PAK5: variants seen among roughly 807,000 people sequenced by gnomAD.
PAK5 encodes serine/threonine-protein kinase PAK 5.
In PAK5, 16 loss-of-function variants were observed where a neutral mutation model predicts 65.9. That is an observed-to-expected ratio of 0.24 (90% CI 0.16 to 0.37). The LOEUF (loss-of-function observed/expected upper bound fraction) is 0.37. Among genes scored for constraint, PAK5 ranks in the 10% least tolerant of loss-of-function variants. PAK5 has a pLI of 1.00. For synonymous variants in PAK5, 371 were observed against 354.9 expected (o/e 1.05, Z -0.51); for missense variants, 785 against 903.9 (o/e 0.87, Z 1.69).
At chr20:9,668,427 G>A (rs947967277) in intron 2 of PAK5, among the ~76,000 whole-genome samples, 8 of 152,078 alleles carry the variant, frequency 5.3e-5, no homozygotes, top group African/African-American at 1.4e-4. Context: ...ATAATGTTAT[G>A]TTTATACACA....
At chr20:9,715,891 T>G in intron 1 of PAK5, among the ~76,000 whole-genome samples, 1 of 97,940 alleles carries the variant, frequency 1.0e-5, no homozygotes, top group Non-Finnish European at 2.0e-5. Flanking sequence ...CACCGGGGCC[T>G]GTTGAGGGGT....
intron 3 of PAK5, among the ~76,000 whole-genome samples, chr20:9,623,639 C>A (rs1249183755): frequency 6.6e-6 from 1 of 152,062 alleles, no homozygotes; most frequent in African/African-American, 2.4e-5. Flanking sequence ...AAGATAGGTA[C>A]AAACAAAGAG....
At position 9,765,443 on chromosome 20, in the gene PAK5, AT is replaced by A. The variant is rs921713557; in HGVS notation, c.-161-54009del. ...CATTTCCTATCCCTCCCTAGCCTCCATTTTTTTTTTCTGGCAGAGCCAAATT... is the reference window on the plus strand; with the variant it reads ...CATTTCCTATCCCTCCCTAGCCTCCATTTTTTTTTCTGGCAGAGCCAAATT... On this transcript the variant is annotated intron_variant, in intron 1 of 9. Coordinates refer to ENST00000353224, the MANE Select transcript of PAK5 (RefSeq NM_177990.4). Among the ~76,000 whole-genome samples the A allele has an allele frequency of 4.0e-4, 60 of 149,210 alleles. No homozygotes were observed. The East Asian group carries it at 4.3e-3, about 11-fold the overall frequency.
intron 3 of PAK5, among the ~76,000 whole-genome samples, chr20:9,581,672 G>A (rs1033905346): frequency 2.0e-5 from 3 of 152,112 alleles, no homozygotes; most frequent in Admixed American, 6.6e-5. Flanking sequence ...GGTTGCACCT[G>A]GATCTTAGTG....
chr20:9,565,923 C>T lies in PAK5; in HGVS notation c.1452G>A (p.Lys484=), dbSNP rs1483846774. The T allele has an allele frequency of 9.9e-6, 16 of 1,613,444 alleles. No individual in the cohort carries two copies. The highest frequency in any genetic ancestry group is 1.3e-5 in the Non-Finnish European group (15 of 1,179,704). ...TGAAAAGCAGTTCTCGTCTCTGTTG[C>T]TTCCGGAGGTCCATTTTCTTCACTG... ...QVAVKKMDLR[K]QQRRELLFNE... is the part of the protein sequence containing the mutation. Residue 484 remains lysine, a synonymous_variant, in exon 5 of 10, where the codon AAG becomes AAA. Coordinates refer to ENST00000353224, the MANE Select transcript of PAK5 (RefSeq NM_177990.4).
At chr20:9,592,407 A>T (rs1001750025) in intron 3 of PAK5, among the ~76,000 whole-genome samples, 3 of 152,168 alleles carry the variant, frequency 2.0e-5, no homozygotes, top group African/African-American at 2.4e-5. Flanking sequence ...AGTACTAGTT[A>T]CCCCTAGGGG....
At chr20:9,815,091 A>G (rs2049341030) in intron 1 of PAK5, among the ~76,000 whole-genome samples, 1 of 152,094 alleles carries the variant, frequency 6.6e-6, no homozygotes, top group Admixed American at 6.6e-5. Context: ...GGCTCTTTTC[A>G]ACAACTAGTT....
At chr20:9,649,711 T>C (rs553280649) in intron 2 of PAK5, among the ~76,000 whole-genome samples, 1 of 152,056 alleles carries the variant, frequency 6.6e-6, no homozygotes, top group Non-Finnish European at 1.5e-5. Flanking sequence ...CCTGGTACTA[T>C]TCGAGTCATG....
At position 9,644,923 on chromosome 20, in the gene PAK5, A is replaced by T. The variant is rs574480661; in HGVS notation, c.-11-584T>A. Among the ~76,000 whole-genome samples, 3 of 152,380 alleles carry T rather than the reference A, an allele frequency of 2.0e-5. No homozygotes were observed. In the East Asian group the frequency reaches 5.8e-4, roughly 29 times the overall value. On this transcript the variant is annotated intron_variant, in intron 2 of 9. Coordinates refer to ENST00000353224, the MANE Select transcript of PAK5 (RefSeq NM_177990.4). ...TATAGCATTATTAAAGCTGACCAGT[A>T]CACAGGGAGAAACATTTCAAAGTTT... is the stretch of plus-strand genomic sequence containing the variant.
At chr20:9,608,516 A>G (rs1008356387) in intron 3 of PAK5, among the ~76,000 whole-genome samples, 29 of 152,246 alleles carry the variant, frequency 1.9e-4, no homozygotes, top group African/African-American at 7.0e-4. Context: ...GTCTCTAGGT[A>G]AGACATGGTG....
At chr20:9,571,398 T>C (rs1219792532) in intron 4 of PAK5, among the ~76,000 whole-genome samples, 1 of 152,184 alleles carries the variant, frequency 6.6e-6, no homozygotes, top group Non-Finnish European at 1.5e-5. Context: ...CATTTTGTGG[T>C]TGATAAAATA....
At chr20:9,798,252 TA>T (rs71184157) in intron 1 of PAK5, among the ~76,000 whole-genome samples, 61,026 of 151,666 alleles carry the variant, frequency 0.4, 12,615 homozygotes, top group Admixed American at 0.48. Context: ...AGTTATGGGG[TA>T]AAAAAAATGG....
intron 2 of PAK5, among the ~76,000 whole-genome samples, chr20:9,687,486 C>T (rs563154864): frequency 6.6e-6 from 1 of 152,238 alleles, no homozygotes; most frequent in South Asian, 2.1e-4. Context: ...ATTTTGAATT[C>T]TGATTTCCTT....
At chr20:9,609,527 C>T (rs562159131) in intron 3 of PAK5, among the ~76,000 whole-genome samples, 12 of 152,102 alleles carry the variant, frequency 7.9e-5, no homozygotes, top group South Asian at 2.1e-4. Context: ...GCAAGGCCTG[C>T]GTTTATGGTG....
rs1173963588 is a variant in PAK5, at chr20:9,644,304, T to A, written c.25A>T (p.Ile9Phe). MFGKKKKKIEISGPSNFEH... is the reference protein window; with the variant it reads MFGKKKKKFEISGPSNFEH... The stretch of plus-strand genomic sequence containing the variant: ...AAGTTGGACGGGCCAGATATTTCAA[T>A]CTTTTTCTTTTTCTTCCCAAACATG... Residue 9 changes from isoleucine to phenylalanine, a missense_variant, in exon 3 of 10, where the codon ATT becomes TTT. By Grantham distance (21) the Ile-to-Phe change is conservative (BLOSUM62 0). Transcript: ENST00000353224. 1 of 1,609,526 alleles carries A rather than the reference T, an allele frequency of 6.2e-7. No individual in the cohort carries two copies. The highest frequency in any genetic ancestry group is 1.3e-5 in the African/African-American group (1 of 74,500).
chr20:9,662,083 C>T (rs1365482680), intron 2 of PAK5, among the ~76,000 whole-genome samples: 2 of 152,116 alleles, frequency 1.3e-5, no homozygotes, highest in Admixed American at 6.6e-5. Context: ...ATAATTTTGG[C>T]ACTGGAATTT....
intron 1 of PAK5, among the ~76,000 whole-genome samples, chr20:9,782,114 AC>A (rs1166835608): frequency 6.6e-6 from 1 of 152,140 alleles, no homozygotes; most frequent in African/African-American, 2.4e-5. Context: ...TGTTCCAGCC[AC>A]AGTGGCTTCC....
Position 9,580,905 on chromosome 20 carries a change from C to T in PAK5, c.230G>A (p.Cys77Tyr). The part of the protein sequence containing the change: ...MKTIVRGNKP[C>Y]KETSINGLLE... ...CAGGCCGTTGATGGAGGTTTCCTTG[C>T]AGGGTTTGTTTCCTCTAACGATTGT... Residue 77 changes from cysteine (C) to tyrosine (Y), a missense_variant, in exon 4 of 10, where the codon TGC becomes TAC. Physicochemically the swap from Cys to Tyr is radical, Grantham distance 194. Around this residue, in one of 4 missense-constraint regions of PAK5, gnomAD observed 71 missense variants for 110.2 expected, o/e 0.64. Transcript: ENST00000353224. 6.2e-7 allele frequency: 1 copy of T among 1,601,656 alleles called. No individual in the cohort carries two copies. Among genetic ancestry groups the T allele is most frequent in the Non-Finnish European group, 8.5e-7 (1 of 1,174,234 alleles).
At chr20:9,678,411 C>CA (rs2047604848) in intron 2 of PAK5, among the ~76,000 whole-genome samples, 3 of 152,218 alleles carry the variant, frequency 2.0e-5, no homozygotes, top group Admixed American at 6.5e-5. Context: ...ACTAAAAATA[C>CA]AAAAAATTAG....
Sources: gnomAD v4.1 joint callset for allele counts (sites outside exome capture counted in the v4.1 genomes callset) on GRCh38, gnomAD v4.1.1 for gene constraint, gnomAD v4.1.1 regional missense constraint, MANE v1.5 for transcripts, NCBI Gene and HGNC (gene_info 2026-07-23, HGNC 2026-07-21) for gene names.